SMPD3: variants seen among roughly 807,000 people sequenced by gnomAD.
SMPD3 encodes sphingomyelin phosphodiesterase 3.
A neutral mutation model predicts 55.7 loss-of-function variants in SMPD3; 21 were observed. That is an observed-to-expected ratio of 0.38 (90% confidence interval 0.27 to 0.54). SMPD3 has a LOEUF of 0.54. Among genes scored for constraint, SMPD3 ranks in the 20% least tolerant of loss-of-function variants. SMPD3 has a pLI of 0.80. For synonymous variants in SMPD3, 457 were observed against 404.3 expected (o/e 1.13, Z -1.56); for missense variants, 842 against 899.6 (o/e 0.94, Z 0.82).
chr16:68,363,726 G>A (rs1439092635), intron 6 of SMPD3, 51 bp downstream of exon 6: 2 of 1,515,940 alleles, frequency 1.3e-6, no homozygotes, highest in Non-Finnish European at 1.8e-6. Flanking sequence ...ATCTTTGAGG[G>A]AAGTCTGTGG....
intron 1 of SMPD3, among the ~76,000 whole-genome samples, chr16:68,425,613 G>C (rs1276255487): frequency 6.6e-6 from 1 of 152,232 alleles, no homozygotes; most frequent in African/African-American, 2.4e-5. Context: ...GATGACAGGG[G>C]CAGGGAGGTG....
intron 2 of SMPD3, among the ~76,000 whole-genome samples, chr16:68,372,791 A>G (rs2089706581): frequency 6.6e-6 from 1 of 152,184 alleles, no homozygotes; most frequent in African/African-American, 2.4e-5. Flanking sequence ...GGCAGTTTTT[A>G]GAATGAGAGG....
At chr16:68,436,732 G>C (rs1041682052) in intron 1 of SMPD3, among the ~76,000 whole-genome samples, 1 of 152,188 alleles carries the variant, frequency 6.6e-6, no homozygotes, top group Non-Finnish European at 1.5e-5. Context: ...CATGCCTGTG[G>C]GACGGACACA....
intron 1 of SMPD3, among the ~76,000 whole-genome samples, chr16:68,416,303 C>T (rs1326061444): frequency 6.6e-6 from 1 of 152,218 alleles, no homozygotes; most frequent in South Asian, 2.1e-4. Context: ...CGCCCTCTTC[C>T]CTGGTCTCCC....
intron 7 of SMPD3, among the ~76,000 whole-genome samples, chr16:68,362,320 G>A (rs533452521): frequency 6.6e-6 from 1 of 152,368 alleles, no homozygotes; most frequent in South Asian, 2.1e-4. Flanking sequence ...CAGGGAACAG[G>A]CTGTCATCCC....
chr16:68,439,180 C>T (rs1322814258), intron 1 of SMPD3, among the ~76,000 whole-genome samples: 2 of 152,158 alleles, frequency 1.3e-5, no homozygotes, highest in Non-Finnish European at 2.9e-5. Flanking sequence ...TTGCCCAAGG[C>T]CACACATTTG....
At chr16:68,420,339 G>A (rs947371015) in intron 1 of SMPD3, among the ~76,000 whole-genome samples, 10 of 152,176 alleles carry the variant, frequency 6.6e-5, no homozygotes, top group African/African-American at 2.4e-4. Flanking sequence ...AATTGTTATT[G>A]TCCCACTTTG....
chr16:68,413,923 G>A (rs970440451), intron 1 of SMPD3, among the ~76,000 whole-genome samples: 1 of 152,160 alleles, frequency 6.6e-6, no homozygotes, highest in Non-Finnish European at 1.5e-5. Context: ...TCAAGGTCTG[G>A]GTGGGTGGAC....
chr16:68,372,913 G>A lies in SMPD3; in HGVS notation c.-206-526C>T, dbSNP rs565638111. On this transcript the variant is annotated intron_variant, in intron 2 of 8. Transcript: ENST00000219334. ...CAGAGCAAAGGGGCCAGAGACTCCT[G>A]GAGCAGAGGGCAGTGTGGCCAGCAG... Among the ~76,000 whole-genome samples the A allele has an allele frequency of 2.0e-5, 3 of 152,348 alleles. No homozygotes were observed. The East Asian group carries it at 5.8e-4, about 29-fold the overall frequency.
At chr16:68,426,989 ATCTT>A (rs1051120809) in intron 1 of SMPD3, among the ~76,000 whole-genome samples, 13 of 139,562 alleles carry the variant, frequency 9.3e-5, no homozygotes, top group Non-Finnish European at 1.7e-4. Flanking sequence ...ACTCAGGTCT[ATCTT>A]TTTTTTTTTT....
At chr16:68,363,891 G>C (rs566354231) in intron 5 of SMPD3, 25 bp from the exon 6 acceptor site, 140 of 1,544,400 alleles carry the variant, frequency 9.1e-5, no homozygotes, top group Non-Finnish European at 1.1e-4. Flanking sequence ...AGGAAACGCT[G>C]AGGCACCAGG....
At chr16:68,430,401 G>C (rs2090470203) in intron 1 of SMPD3, among the ~76,000 whole-genome samples, 1 of 152,190 alleles carries the variant, frequency 6.6e-6, no homozygotes, top group South Asian at 2.1e-4. Context: ...TCTGTGGTGA[G>C]AATCAATTTC....
In SMPD3 at chr16:68,364,600, G is replaced by T. The variant is rs775714278; in HGVS notation, c.1555+151C>A. 5 of 849,490 alleles carry T rather than the reference G, an allele frequency of 5.9e-6. No homozygotes were observed. In the South Asian group the frequency reaches 7.3e-5, roughly 12 times the overall value. The allele number at this position is 849,490 out of a possible 1,614,324, so 52.6% of individuals were successfully genotyped here. On this transcript the variant is annotated intron_variant, in intron 5 of 8. Transcript: ENST00000219334. Reference sequence around the variant, plus strand: ...CTCTTCCTGTTCTAGGATTTCTAGGGGGCAGAGAAATCAGTCTTGCTAAAT... The same window carrying T: ...CTCTTCCTGTTCTAGGATTTCTAGGTGGCAGAGAAATCAGTCTTGCTAAAT...
At position 68,370,766 on chromosome 16, in the gene SMPD3, A is replaced by G. The variant is rs963421538; in HGVS notation, c.1323+93T>C. 2.0e-6 allele frequency: 3 copies of G among 1,510,588 alleles called. No individual in the cohort carries two copies. In the Admixed American group the frequency reaches 6.0e-5, roughly 30 times the overall value. 93.6% of individuals were successfully genotyped at this position (1,510,588 alleles called of 1,614,324 possible). A position where few individuals can be genotyped will look rare whatever the true frequency, so the allele number is the denominator to read the frequency against. ...ACTCCAACCTCCCACTCCAGCCCCC[A>G]TGACGATGAGGACTCCCCGCTGCAG... is the stretch of plus-strand genomic sequence containing the variant. On this transcript the variant is annotated intron_variant, in intron 3 of 8. Transcript: ENST00000219334.
intron 1 of SMPD3, among the ~76,000 whole-genome samples, chr16:68,430,058 A>AGAGTGGGGTGG (rs1249493898): frequency 3.3e-5 from 5 of 152,142 alleles, no homozygotes; most frequent in African/African-American, 1.2e-4. Context: ...CCAAATCTGC[A>AGAGTGGGGTGG]GAGTGGGGTT....
At position 68,403,381 on chromosome 16, in the gene SMPD3, A is replaced by T. The variant is rs1290286066; in HGVS notation, c.-268-16722T>A. Among the ~76,000 whole-genome samples the T allele has an allele frequency of 2.0e-5, 3 of 152,274 alleles. No homozygotes were observed. The East Asian group carries it at 5.8e-4, about 29-fold the overall frequency. On this transcript the variant is annotated intron_variant, in intron 1 of 8. Coordinates refer to ENST00000219334, the MANE Select transcript of SMPD3 (RefSeq NM_018667.4). Reference sequence around the variant, plus strand: ...AGGCTCAGAGTAGATGCCAATACAAATTTGCTACAGGTCAGAACTGACCTC... The same window carrying T: ...AGGCTCAGAGTAGATGCCAATACAATTTTGCTACAGGTCAGAACTGACCTC...
At chr16:68,412,138 G>T (rs1029742885) in intron 1 of SMPD3, among the ~76,000 whole-genome samples, 1 of 152,166 alleles carries the variant, frequency 6.6e-6, no homozygotes, top group Non-Finnish European at 1.5e-5. Flanking sequence ...GCTGGGGAAG[G>T]CCTGGGGCAA....
chr16:68,402,760 G>A (rs1359692569), intron 1 of SMPD3, among the ~76,000 whole-genome samples: 2 of 152,198 alleles, frequency 1.3e-5, no homozygotes, highest in East Asian at 1.9e-4. Context: ...TCAAGGTGAC[G>A]GCAGGTCAGT....
At chr16:68,365,209 C>G (rs2089440750) in intron 3 of SMPD3, 117 bp from the exon 4 acceptor site, 3 of 1,028,728 alleles carry the variant, frequency 2.9e-6, no homozygotes, top group Non-Finnish European at 4.4e-6. Context: ...TGGCTCCTGG[C>G]TGGATTCTGG....
Sources: gnomAD v4.1 joint callset for allele counts (sites outside exome capture counted in the v4.1 genomes callset) on GRCh38, gnomAD v4.1.1 for gene constraint, MANE v1.5 for transcripts, NCBI Gene and HGNC (gene_info 2026-07-23, HGNC 2026-07-21) for gene names.